Variants in ZMAT4 observed in about 807,000 individuals in gnomAD.
ZMAT4 encodes zinc finger matrin-type protein 4.
In ZMAT4, 17 loss-of-function variants were observed where a neutral mutation model predicts 28.7. That is an observed-to-expected ratio of 0.59 (90% CI 0.41 to 0.89). The LOEUF is 0.89. Among genes scored for constraint, ZMAT4 ranks in the 40% least tolerant of loss-of-function variants. ZMAT4 has a pLI of 0.00. For synonymous variants in ZMAT4, 117 were observed against 109.2 expected (o/e 1.07, Z -0.44); for missense variants, 240 against 283.8 (o/e 0.85, Z 1.11).
chr8:40,792,410 C>A (rs1586058523), intron 2 of ZMAT4, among the ~76,000 whole-genome samples: 1 of 138,978 alleles, frequency 7.2e-6, no homozygotes, highest in Non-Finnish European at 1.5e-5. Flanking sequence ...CCATTAGCAA[C>A]CAAGATATCC....
chr8:40,894,825 A>T (rs1311369943), intron 1 of ZMAT4, among the ~76,000 whole-genome samples: 1 of 152,206 alleles, frequency 6.6e-6, no homozygotes. Flanking sequence ...CAGCGAACAC[A>T]ATAGGCGTGC....
intron 3 of ZMAT4, among the ~76,000 whole-genome samples, chr8:40,713,782 C>T (rs1300116748): frequency 6.6e-6 from 1 of 151,054 alleles, no homozygotes; most frequent in Non-Finnish European, 1.5e-5. Flanking sequence ...GGTGGCAGGT[C>T]CCTGTAATCC....
At chr8:40,639,077 C>T (rs1806905160) in intron 5 of ZMAT4, among the ~76,000 whole-genome samples, 1 of 152,210 alleles carries the variant, frequency 6.6e-6, no homozygotes, top group Non-Finnish European at 1.5e-5. Flanking sequence ...GGCCAGGTGT[C>T]TGACTCTGCT....
At chr8:40,725,750 T>C (rs1811292214) in intron 3 of ZMAT4, among the ~76,000 whole-genome samples, 1 of 152,052 alleles carries the variant, frequency 6.6e-6, no homozygotes, top group Admixed American at 6.5e-5. Context: ...CAGCCTGGTG[T>C]CAGAGTGAGA....
intron 1 of ZMAT4, among the ~76,000 whole-genome samples, chr8:40,865,330 A>C (rs1339468418): frequency 6.6e-6 from 1 of 152,252 alleles, no homozygotes; most frequent in African/African-American, 2.4e-5. Flanking sequence ...CCCTCTGAAA[A>C]TGTCACCTTC....
chr8:40,801,307 A>G (rs55650302), intron 2 of ZMAT4, among the ~76,000 whole-genome samples: 16,441 of 146,368 alleles, frequency 0.11, 1,251 homozygotes, highest in East Asian at 0.34. Flanking sequence ...AATTATACCA[A>G]TTCTCTATGG....
intron 1 of ZMAT4, among the ~76,000 whole-genome samples, chr8:40,833,112 T>C (rs994126508): frequency 9.2e-5 from 14 of 152,178 alleles, no homozygotes; most frequent in African/African-American, 3.4e-4. Flanking sequence ...ATCTCTGCCA[T>C]GCCTGCCAGT....
At chr8:40,756,630 T>A (rs932052384) in intron 3 of ZMAT4, among the ~76,000 whole-genome samples, 1 of 4,506 alleles carries the variant, frequency 2.2e-4, no homozygotes, top group Admixed American at 1.3e-3. Flanking sequence ...TGTAAGTGTG[T>A]GTGTGTGTGT....
chr8:40,744,391 T>C (rs1299816084), intron 3 of ZMAT4, among the ~76,000 whole-genome samples: 1 of 152,170 alleles, frequency 6.6e-6, no homozygotes, highest in Non-Finnish European at 1.5e-5. Flanking sequence ...GCTGGCTTAG[T>C]CATCACGCTG....
At chr8:40,874,262 TG>T (rs969073699) in intron 1 of ZMAT4, among the ~76,000 whole-genome samples, 8 of 152,190 alleles carry the variant, frequency 5.3e-5, no homozygotes, top group African/African-American at 1.9e-4. Flanking sequence ...GCACCCACAC[TG>T]GCCACACCCG....
chr8:40,796,889 C>T (rs903761316), intron 2 of ZMAT4, among the ~76,000 whole-genome samples: 2 of 152,176 alleles, frequency 1.3e-5, no homozygotes, highest in Non-Finnish European at 2.9e-5. Context: ...CATCTCCTTC[C>T]CAGGGCAGGA....
intron 5 of ZMAT4, among the ~76,000 whole-genome samples, chr8:40,602,005 C>T (rs922595447): frequency 1.3e-5 from 2 of 152,144 alleles, no homozygotes; most frequent in Admixed American, 6.5e-5. Flanking sequence ...TGTGTATTCT[C>T]CTTCTCCCCC....
At chr8:40,683,405 G>T (rs542056519) in intron 4 of ZMAT4, among the ~76,000 whole-genome samples, 2 of 152,314 alleles carry the variant, frequency 1.3e-5, no homozygotes, top group South Asian at 4.1e-4. Context: ...CTCAAACTCT[G>T]TGCAGAGCTG....
chr8:40,555,677 G>A (rs188981918), intron 6 of ZMAT4, among the ~76,000 whole-genome samples: 52 of 152,068 alleles, frequency 3.4e-4, no homozygotes, highest in African/African-American at 1.2e-3. Flanking sequence ...TCTCTTTTAC[G>A]GTCTCTACTC....
At chr8:40,728,262 G>A (rs1188804258) in intron 3 of ZMAT4, among the ~76,000 whole-genome samples, 1 of 152,136 alleles carries the variant, frequency 6.6e-6, no homozygotes, top group African/African-American at 2.4e-5. Flanking sequence ...ATTATTCTTA[G>A]CATCAAGGAT....
At chr8:40,715,152 A>C (rs1306129894) in intron 3 of ZMAT4, among the ~76,000 whole-genome samples, 1 of 151,990 alleles carries the variant, frequency 6.6e-6, no homozygotes, top group Non-Finnish European at 1.5e-5. Context: ...GAACTGGGGA[A>C]CAGCATTCGA....
intron 6 of ZMAT4, among the ~76,000 whole-genome samples, chr8:40,571,847 A>G (rs185529250): frequency 3.9e-5 from 6 of 152,180 alleles, no homozygotes; most frequent in African/African-American, 1.4e-4. Flanking sequence ...TTATCTCAAA[A>G]TTTTACTGGT....
At chr8:40,892,105 G>A (rs1332864552) in intron 1 of ZMAT4, among the ~76,000 whole-genome samples, 1 of 152,142 alleles carries the variant, frequency 6.6e-6, no homozygotes, top group East Asian at 1.9e-4. Context: ...CTCCCTGAAC[G>A]CCCTCACATG....
At chr8:40,704,138 A>G (rs1024518574) in intron 3 of ZMAT4, among the ~76,000 whole-genome samples, 3 of 152,258 alleles carry the variant, frequency 2.0e-5, no homozygotes, top group African/African-American at 7.2e-5. Flanking sequence ...ACCCTGTAGT[A>G]AGATAGAATG....
Sources: gnomAD v4.1 joint callset for allele counts (sites outside exome capture counted in the v4.1 genomes callset) on GRCh38, gnomAD v4.1.1 for gene constraint, MANE v1.5 for transcripts, NCBI Gene and HGNC (gene_info 2026-07-23, HGNC 2026-07-21) for gene names.